Variants in USP28 observed in about 807,000 individuals in gnomAD.
USP28 encodes the protein ubiquitin specific peptidase 28.
In USP28, 113 loss-of-function variants were observed where a neutral mutation model predicts 145.0. The observed-to-expected ratio is 0.78, with a 90% CI of 0.67 to 0.91. The LOEUF is 0.91. USP28 is among the 40% of genes least tolerant of loss of function. USP28 has a pLI of 0.00. For missense variants in USP28, 1,201 were observed against 1,289.6 expected, an observed-to-expected ratio of 0.93 and a Z score of 1.05; for synonymous variants, 447 against 450.9, an observed-to-expected ratio of 0.99 and a Z score of 0.11.
At chr11:113,875,494 G>A (rs1299198502) in exon 1 of USP28, 1 of 1,203,892 alleles carries the variant, frequency 8.3e-7, no homozygotes, top group Non-Finnish European at 1.0e-6. Flanking sequence ...CTGCAGCTCC[G>A]CAGTCATGGC....
chr11:113,859,768 A>T (rs1420675526), intron 1 of USP28, among the ~76,000 whole-genome samples: 2 of 152,244 alleles, frequency 1.3e-5, no homozygotes, highest in East Asian at 3.8e-4. Flanking sequence ...GACAAGACAA[A>T]GCCTGTACTC....
chr11:113,834,998 T>C (rs920478781), intron 5 of USP28, among the ~76,000 whole-genome samples: 1 of 152,110 alleles, frequency 6.6e-6, no homozygotes, highest in Non-Finnish European at 1.5e-5. Context: ...GTTATGACTG[T>C]GGGAAAGGGA....
At chr11:113,819,084 T>C (rs945259123) in intron 12 of USP28, among the ~76,000 whole-genome samples, 4 of 151,558 alleles carry the variant, frequency 2.6e-5, no homozygotes, top group Admixed American at 2.6e-4. Context: ...AAGGTTATCT[T>C]ACAGAAGAAG....
rs1260100562 is a variant in USP28 at position 113,859,987 on chromosome 11, T to G, written c.58-5652A>C. On this transcript the variant is annotated intron_variant, in intron 1 of 24. Coordinates refer to ENST00000003302, the Ensembl canonical transcript of USP28. ...GTGGTTTTGGTGCAATCTAGCCCAC[T>G]TCTCAGGAAGGAGATTTTCTTAGAG... Among the ~76,000 whole-genome samples, 4 of 152,338 alleles carry G rather than the reference T, an allele frequency of 2.6e-5. No individual in the cohort carries two copies. In the East Asian group the frequency reaches 7.7e-4, roughly 29 times the overall value.
chr11:113,840,688 G>C (rs748513285), exon 5 of USP28: 4 of 1,614,180 alleles, frequency 2.5e-6, no homozygotes, highest in Non-Finnish European at 3.4e-6. Flanking sequence ...TGGGATTGGG[G>C]TTTTCTCCCC....
At chr11:113,865,828 AAAT>A (rs1421501133) in intron 1 of USP28, among the ~76,000 whole-genome samples, 61 of 152,200 alleles carry the variant, frequency 4.0e-4, no homozygotes, top group African/African-American at 1.4e-3. Flanking sequence ...CAAAAGAAAA[AAAT>A]AATAACACTT....
chr11:113,832,078 GATT>G (rs1196191330), intron 7 of USP28, 85 bp from the exon 8 acceptor site: 2 of 1,086,118 alleles, frequency 1.8e-6, no homozygotes, highest in Non-Finnish European at 2.7e-6. Context: ...AATGAATTAA[GATT>G]ATACTACTAT....
intron 14 of USP28, 53 bp downstream of exon 14, chr11:113,815,121 A>T: frequency 6.5e-7 from 1 of 1,530,050 alleles, no homozygotes; most frequent in South Asian, 1.1e-5. Context: ...ACCTCCAAAT[A>T]GTCAAAAAAC....
At chr11:113,801,303 G>A (rs1484021554) in intron 24 of USP28, among the ~76,000 whole-genome samples, 180 bp downstream of exon 25, 1 of 152,174 alleles carries the variant, frequency 6.6e-6, no homozygotes, top group East Asian at 1.9e-4. Context: ...GGGAGGTTAA[G>A]AGGGGCAGAG....
chr11:113,807,359 C>A (rs1017604783), intron 18 of USP28, among the ~76,000 whole-genome samples: 1 of 150,158 alleles, frequency 6.7e-6, no homozygotes, highest in Non-Finnish European at 1.5e-5. Flanking sequence ...TAGGCGTAAA[C>A]CTCCGTGCCC....
rs1336063955 is a variant in USP28, at chr11:113,841,633, G to C, written c.374+30C>G. On this transcript the variant is annotated intron_variant, in intron 4 of 24. Transcript: ENST00000003302. ...GCCTTTGAGATACACACAAATGTGG[G>C]GGGCAAGAATTATAAGTTAAATCAA... 2.7e-6 allele frequency: 4 copies of C among 1,469,334 alleles called. No homozygotes were observed. In the South Asian group the frequency reaches 4.8e-5, roughly 17 times the overall value. The allele number at this position is 1,469,334 out of a possible 1,614,324, so 91.0% of individuals were successfully genotyped here.
Position 113,801,096 on chromosome 11 carries a change from G to A in USP28, c.3058+387C>T, listed in dbSNP as rs141070840. On this transcript the variant is annotated intron_variant, in intron 24 of 24. Coordinates refer to ENST00000003302, the Ensembl canonical transcript of USP28. ...TGGCCTCAGGTGATCTGCCCACCTCGGCCTCTGAAAGTGCTGGGATTACAG... is the reference window on the plus strand; with the variant it reads ...TGGCCTCAGGTGATCTGCCCACCTCAGCCTCTGAAAGTGCTGGGATTACAG... 4.6e-5 allele frequency among the ~76,000 whole-genome samples: 7 copies of A among 152,166 alleles called. No homozygotes were observed. In the East Asian group the frequency reaches 9.7e-4, roughly 21 times the overall value.
chr11:113,822,922 G>A (rs988432953), intron 12 of USP28, among the ~76,000 whole-genome samples: 1 of 152,170 alleles, frequency 6.6e-6, no homozygotes, highest in Non-Finnish European at 1.5e-5. Flanking sequence ...CCTAATAAGG[G>A]AGTAGGTGGA....
chr11:113,819,858 T>C (rs1942339219), intron 12 of USP28, among the ~76,000 whole-genome samples: 1 of 152,190 alleles, frequency 6.6e-6, no homozygotes, highest in Non-Finnish European at 1.5e-5. Flanking sequence ...TAGCTAGGAC[T>C]ACAGGCATGC....
intron 11 of USP28, among the ~76,000 whole-genome samples, chr11:113,826,156 G>A (rs1260052606): frequency 6.6e-6 from 1 of 151,532 alleles, no homozygotes. Context: ...GGTGGTGCGT[G>A]CCTGTAATCC....
At chr11:113,854,057 C>T (rs1946769454) in intron 2 of USP28, among the ~76,000 whole-genome samples, 1 of 151,904 alleles carries the variant, frequency 6.6e-6, no homozygotes. Flanking sequence ...TCTTTTATAC[C>T]CTGCAGGGTT....
chr11:113,853,653 T>C (rs1292276000), intron 2 of USP28, among the ~76,000 whole-genome samples: 1 of 152,026 alleles, frequency 6.6e-6, no homozygotes, highest in East Asian at 1.9e-4. Flanking sequence ...GTCGGGTGGA[T>C]CACTTGAGGT....
chr11:113,818,780 G>A (rs1313514901), intron 12 of USP28, among the ~76,000 whole-genome samples: 1 of 151,930 alleles, frequency 6.6e-6, no homozygotes, highest in Non-Finnish European at 1.5e-5. Context: ...AGGATCGCTT[G>A]AGCCTGGGAG....
intron 3 of USP28, among the ~76,000 whole-genome samples, chr11:113,843,845 G>C (rs929005317): frequency 6.6e-6 from 1 of 151,964 alleles, no homozygotes; most frequent in African/African-American, 2.4e-5. Context: ...ATTGATTTTT[G>C]ACCTAAGTAC....
Sources: gnomAD v4.1 joint callset for allele counts (sites outside exome capture counted in the v4.1 genomes callset) on GRCh38, gnomAD v4.1.1 for gene constraint, MANE v1.5 for transcripts, NCBI Gene and HGNC (gene_info 2026-07-23, HGNC 2026-07-21) for gene names.